The following RPTN variants were observed in gnomAD, a reference collection of about 807,000 sequenced individuals.
RPTN encodes repetin.
In RPTN, 4 loss-of-function variants were observed where a neutral mutation model predicts 3.6. The ratio of observed to expected loss-of-function variants is 1.12; its 90% CI spans 0.55 to 2.55. The LOEUF is 2.55. Ranked by LOEUF, RPTN falls within the 30% of genes most tolerant of loss-of-function variation. RPTN has a pLI of 0.02. For synonymous variants in RPTN, 293 were observed against 319.3 expected, an observed-to-expected ratio of 0.92 and a Z score of 0.88; for missense variants, 860 against 916.7, an observed-to-expected ratio of 0.94 and a Z score of 0.80.
In RPTN at chr1:152,154,949, T is replaced by C; in HGVS notation, c.2150A>G (p.His717Arg). ...TGGACCTTCCTGACTCTCATGGCTG[T>C]GTCTATCCCAAGTTTGATGGCCCTG... is the stretch of plus-strand genomic sequence containing the variant. ...EEQGHQTWDR[H>R]SHESQEGPCG... The change falls in exon 3 of 3, where the codon CAC (histidine) becomes CGC (arginine). Residue 717 changes from histidine (H) to arginine (R), a missense_variant. By Grantham distance (29) the His-to-Arg change is conservative (BLOSUM62 0). Transcript: ENST00000316073. 6.2e-7 allele frequency: 1 copy of C among 1,614,150 alleles called. No homozygotes were observed. Among genetic ancestry groups the C allele is most frequent in the Non-Finnish European group, 8.5e-7 (1 of 1,180,018 alleles).
In RPTN at chr1:152,154,721, T is replaced by A; in HGVS notation, c.*23A>T. 4.3e-6 allele frequency: 7 copies of A among 1,611,386 alleles called. No individual in the cohort carries two copies. Among genetic ancestry groups the A allele is most frequent in the Non-Finnish European group, 5.9e-6 (7 of 1,178,386 alleles). ...ATTATGTTGTTGCTGATGGTTTTGATCCTCTTCATGAGTTTGCCTGTCTCA... is the reference window on the plus strand; with the variant it reads ...ATTATGTTGTTGCTGATGGTTTTGAACCTCTTCATGAGTTTGCCTGTCTCA... On this transcript the variant is annotated 3_prime_UTR_variant, in exon 3 of 3. Transcript: ENST00000316073.
At position 152,155,347 on chromosome 1, in the gene RPTN, A is replaced by G; in HGVS notation, c.1752T>C (p.Ile584=). The change falls in exon 3 of 3, where the codon ATT becomes ATC. Residue 584 remains isoleucine (I), a synonymous_variant. Transcript: ENST00000316073. ...CTTGTATTTCCCCAGTCTGTGATTG[A>G]ATATAGTGGGAACTCTGGCCTTGTC... is the stretch of plus-strand genomic sequence containing the variant. ...TDRQGQSSHY[I]QSQTGEIQGQ... The G allele has an allele frequency of 1.2e-6, 2 of 1,614,244 alleles. No individual in the cohort carries two copies. Among genetic ancestry groups the G allele is most frequent in the Non-Finnish European group, 1.7e-6 (2 of 1,180,054 alleles).
intron 2 of RPTN, among the ~76,000 whole-genome samples, 167 bp from the exon 3 acceptor site, chr1:152,157,127 T>G (rs572797236): frequency 4.6e-5 from 7 of 152,294 alleles, no homozygotes; most frequent in Admixed American, 2.6e-4. Context: ...GATCAGCTGG[T>G]TCTCAGAACC....
At position 152,157,796 on chromosome 1, in the gene RPTN, C is replaced by G; in HGVS notation, c.94G>C (p.Glu32Gln). ...TCAGCCAAGAGCAGTTGTTTCAACT[C>G]TTCCTTGCATAGTAAGGCACAGTCC... ...NGDCALLCKE[E>Q]LKQLLLAEFG... Residue 32 changes from glutamate to glutamine, a missense_variant, in exon 2 of 3, where the codon GAG becomes CAG. Glu to Gln is a conservative substitution (Grantham distance 29). Coordinates refer to ENST00000316073, the MANE Select transcript of RPTN (RefSeq NM_001122965.1). 6.2e-7 allele frequency: 1 copy of G among 1,614,030 alleles called. No homozygotes were observed. Among genetic ancestry groups the G allele is most frequent in the Non-Finnish European group, 8.5e-7 (1 of 1,179,960 alleles).
In RPTN at chr1:152,154,654, C is replaced by A; in HGVS notation, c.*90G>T. On this transcript the variant is annotated 3_prime_UTR_variant, in exon 3 of 3. Transcript: ENST00000316073. Reference sequence around the variant, plus strand: ...TGTGGGTCACTTGGGATTTTTGATTCTGAGATCCTTGATACCTCTCTTTCT... The same window carrying A: ...TGTGGGTCACTTGGGATTTTTGATTATGAGATCCTTGATACCTCTCTTTCT... 2 of 1,520,844 alleles carry A rather than the reference C, an allele frequency of 1.3e-6. No homozygotes were observed. The highest frequency in any genetic ancestry group is 1.8e-6 in the Non-Finnish European group (2 of 1,128,474). The allele number at this position is 1,520,844 out of a possible 1,614,324, so 94.2% of individuals were successfully genotyped here. A position where few individuals can be genotyped will look rare whatever the true frequency, so the allele number is the denominator to read the frequency against.
In RPTN at chr1:152,158,025, C is replaced by T. The variant is rs367605618; in HGVS notation, c.-20-116G>A. 4.2e-5 allele frequency: 33 copies of T among 786,258 alleles called. No homozygotes were observed. In the Middle Eastern group the frequency reaches 7.0e-4, roughly 17 times the overall value. 48.7% of individuals were successfully genotyped at this position (786,258 alleles called of 1,614,324 possible). On this transcript the variant is annotated intron_variant, in intron 1 of 2. Coordinates refer to ENST00000316073, the MANE Select transcript of RPTN (RefSeq NM_001122965.1). ...GAAAGTTTAAGAAGTGAGAGAGCCCCTTCTTAGCTGTACCCCTTCCTTGCC... is the reference window on the plus strand; with the variant it reads ...GAAAGTTTAAGAAGTGAGAGAGCCCTTTCTTAGCTGTACCCCTTCCTTGCC...
Position 152,154,860 on chromosome 1 carries a change from T to G in RPTN, c.2239A>C (p.Thr747Pro). ...TGATGGCTCTGCTCATGTTCATGGGTTTGTCTGTCTCGTCTCTGATGGTTC... is the reference window on the plus strand; with the variant it reads ...TGATGGCTCTGCTCATGTTCATGGGGTTGTCTGTCTCGTCTCTGATGGTTC... ...EQNHQRRDRQ[T>P]HEHEQSHQRR... The change falls in exon 3 of 3, where the codon ACC becomes CCC. Residue 747 changes from threonine (T) to proline (P), a missense_variant. Thr to Pro is a conservative substitution (Grantham distance 38). Coordinates refer to ENST00000316073, the MANE Select transcript of RPTN (RefSeq NM_001122965.1). 6.2e-7 allele frequency: 1 copy of G among 1,613,784 alleles called. No individual in the cohort carries two copies. The highest frequency in any genetic ancestry group is 1.1e-5 in the South Asian group (1 of 91,072).
At position 152,155,314 on chromosome 1, in the gene RPTN, A is replaced by G. The variant is rs759277956; in HGVS notation, c.1785T>C (p.Asn595=). ...TTCCTTCAGTCCCTTGGAAGTACTT[A>G]TTTTGCCCTTGTATTTCCCCAGTCT... ...QSQTGEIQGQ[N]KYFQGTEGTR... is the part of the protein sequence containing the mutation. The change falls in exon 3 of 3, where the codon AAT becomes AAC. Residue 595 remains asparagine (N), a synonymous_variant. Coordinates refer to ENST00000316073, the MANE Select transcript of RPTN (RefSeq NM_001122965.1). 1.9e-6 allele frequency: 3 copies of G among 1,614,070 alleles called. No individual in the cohort carries two copies. Among genetic ancestry groups the G allele is most frequent in the South Asian group, 1.1e-5 (1 of 91,088 alleles).
Position 152,156,094 on chromosome 1 carries a change from G to C in RPTN, c.1005C>G (p.Asp335Glu). 6.2e-7 allele frequency: 1 copy of C among 1,613,606 alleles called. No individual in the cohort carries two copies. Among genetic ancestry groups the C allele is most frequent in the Non-Finnish European group, 8.5e-7 (1 of 1,179,876 alleles). ...QGQSSHYSQP[D>E]RQGQSSHYGQ... ...CATAGTGGGAACTCTGACCTTGTCT[G>C]TCTGGCTGACTGTAGTGGGAACTCT... is the stretch of plus-strand genomic sequence containing the variant. Residue 335 changes from aspartate to glutamate, a missense_variant, in exon 3 of 3, where the codon GAC becomes GAG. Transcript: ENST00000316073.
At position 152,156,437 on chromosome 1, in the gene RPTN, C is replaced by A. The variant is rs758735368; in HGVS notation, c.662G>T (p.Trp221Leu). The A allele has an allele frequency of 1.2e-6, 2 of 1,614,236 alleles. No individual in the cohort carries two copies. Among genetic ancestry groups the A allele is most frequent in the Non-Finnish European group, 1.7e-6 (2 of 1,180,054 alleles). The change falls in exon 3 of 3, where the codon TGG becomes TTG. Residue 221 changes from tryptophan (W) to leucine (L), a missense_variant. Physicochemically the swap from Trp to Leu is moderately conservative, Grantham distance 61 (BLOSUM62 -2). Coordinates refer to ENST00000316073, the MANE Select transcript of RPTN (RefSeq NM_001122965.1). Reference protein sequence around the residue: ...SHKSTSGQAKWQGHIFALNRC... With the variant: ...SHKSTSGQAKLQGHIFALNRC... ...ATTTAAGGCAAAGATATGTCCCTGC[C>A]ATTTAGCCTGGCCACTGGTAGATTT...
Position 152,156,769 on chromosome 1 carries a change from G to C in RPTN, c.330C>G (p.Asp110Glu). The change falls in exon 3 of 3, where the codon GAC becomes GAG. Residue 110 changes from aspartate to glutamate, a missense_variant. Transcript: ENST00000316073. ...QQERGQEGAQ[D>E]CKFPGNTGRQ... ...TGCCTGTGTTTCCTGGGAACTTACA[G>C]TCTTGTGCTCCTTCCTGCCCCCTTT... 6.2e-7 allele frequency: 1 copy of C among 1,614,194 alleles called. No individual in the cohort carries two copies. The highest frequency in any genetic ancestry group is 2.2e-5 in the East Asian group (1 of 44,890).
chr1:152,154,741 G>A lies in RPTN; in HGVS notation c.*3C>T. 5 of 1,613,612 alleles carry A rather than the reference G, an allele frequency of 3.1e-6. No homozygotes were observed. The highest frequency in any genetic ancestry group is 4.2e-6 in the Non-Finnish European group (5 of 1,179,762). The stretch of plus-strand genomic sequence containing the variant: ...TTTGATCCTCTTCATGAGTTTGCCT[G>A]TCTCATCTCTGATGGTTCTGCTCGT... On this transcript the variant is annotated 3_prime_UTR_variant, in exon 3 of 3. Coordinates refer to ENST00000316073, the MANE Select transcript of RPTN (RefSeq NM_001122965.1).
intron 2 of RPTN, among the ~76,000 whole-genome samples, chr1:152,157,268 C>T (rs543940813): frequency 6.6e-6 from 1 of 152,070 alleles, no homozygotes; most frequent in Non-Finnish European, 1.5e-5. Context: ...TTGTTTAGCC[C>T]CTTTTGTTTT....
chr1:152,156,662 T>G lies in RPTN; in HGVS notation c.437A>C (p.His146Pro). The change falls in exon 3 of 3, where the codon CAT (histidine) becomes CCT (proline). Residue 146 changes from histidine (H) to proline (P), a missense_variant. Coordinates refer to ENST00000316073, the MANE Select transcript of RPTN (RefSeq NM_001122965.1). ...QPERQDGDSH[H>P]GQPERQDRDS... ...TCTGTCTTGTCTCTCAGGCTGACCA[T>G]GGTGGGAATCTCCGTCTTGTCTCTC... The G allele has an allele frequency of 6.2e-7, 1 of 1,601,704 alleles. No homozygotes were observed. Among genetic ancestry groups the G allele is most frequent in the South Asian group, 1.1e-5 (1 of 89,320 alleles).
In RPTN at chr1:152,156,865, C is replaced by A. The variant is rs1240061619; in HGVS notation, c.234G>T (p.Val78=). The change falls in exon 3 of 3, where the codon GTG becomes GTT. Residue 78 remains valine (V), a synonymous_variant. Transcript: ENST00000316073. ...GATAGCAGGCTTGGACCAACTGGAA[C>A]ACCAACAAGAGGTACTCATGAAAAT... ...HIDFHEYLLL[V]FQLVQACYHK... is the part of the protein sequence containing the mutation. 1 of 1,614,098 alleles carries A rather than the reference C, an allele frequency of 6.2e-7. No individual in the cohort carries two copies. The highest frequency in any genetic ancestry group is 8.5e-7 in the Non-Finnish European group (1 of 1,180,032).
intron 1 of RPTN, among the ~76,000 whole-genome samples, chr1:152,158,347 G>A (rs1262172201): frequency 6.6e-6 from 1 of 152,186 alleles, no homozygotes; most frequent in Non-Finnish European, 1.5e-5. Flanking sequence ...CCACTGAACA[G>A]GTTTCAGTCT....
At chr1:152,157,715 A>G in intron 2 of RPTN, 37 bp downstream of exon 2, 1 of 1,612,248 alleles carries the variant, frequency 6.2e-7, no homozygotes, top group Non-Finnish European at 8.5e-7. Flanking sequence ...AGTCATTCAC[A>G]CTTGATCTCA....
At position 152,157,917 on chromosome 1, in the gene RPTN, A is replaced by G. The variant is rs1172457455; in HGVS notation, c.-20-8T>C. Reference sequence around the variant, plus strand: ...TGACAAGTACGGGTGAACCTAAAAGAAGAAACAAGATTTCTCCTGCCGTTA... The same window carrying G: ...TGACAAGTACGGGTGAACCTAAAAGGAGAAACAAGATTTCTCCTGCCGTTA... On this transcript the variant is annotated splice_region_variant and splice_polypyrimidine_tract_variant and intron_variant, in intron 1 of 2. Coordinates refer to ENST00000316073, the MANE Select transcript of RPTN (RefSeq NM_001122965.1). 6.2e-7 allele frequency: 1 copy of G among 1,611,978 alleles called. No individual in the cohort carries two copies. The highest frequency in any genetic ancestry group is 1.3e-5 in the African/African-American group (1 of 74,838).
rs3001978 is a variant in RPTN at position 152,153,991 on chromosome 1, T to C, written c.*753A>G. 77,039 of 152,178 alleles carry C rather than the reference T, an allele frequency of 0.51. 20,173 individuals are homozygous for C. Among genetic ancestry groups the C allele is most frequent in the South Asian group, 0.74 (3,584 of 4,820 alleles). 9.4% of individuals were successfully genotyped at this position (152,178 alleles called of 1,614,324 possible). A position where few individuals can be genotyped will look rare whatever the true frequency, so the allele number is the denominator to read the frequency against. On this transcript the variant is annotated 3_prime_UTR_variant, in exon 3 of 3. Coordinates refer to ENST00000316073, the MANE Select transcript of RPTN (RefSeq NM_001122965.1). The stretch of plus-strand genomic sequence containing the variant: ...TCCACAGGAGCCAAAGCTCACCAAA[T>C]CTAGGGTTCCTTGAGGAGTGGAGAT...
Sources: gnomAD v4.1 joint callset for allele counts (sites outside exome capture counted in the v4.1 genomes callset) on GRCh38, gnomAD v4.1.1 for gene constraint, MANE v1.5 for transcripts, NCBI Gene and HGNC (gene_info 2026-07-23, HGNC 2026-07-21) for gene names.